IKBKB: variants seen among roughly 807,000 people sequenced by gnomAD.
The protein encoded by IKBKB is inhibitor of nuclear factor kappa-B kinase subunit beta.
Under a neutral mutation model 113.6 loss-of-function variants are expected in IKBKB, and 42 were observed. The ratio of observed to expected loss-of-function variants is 0.37; its 90% CI spans 0.29 to 0.48. IKBKB has a LOEUF of 0.48. Ranked by LOEUF, IKBKB falls within the 20% of genes least tolerant of loss-of-function variation. The pLI, the probability that IKBKB is intolerant of heterozygous loss-of-function variation, is 0.99. For synonymous variants in IKBKB, 296 were observed against 361.3 expected (o/e 0.82, Z 2.05); for missense variants, 673 against 939.7 (o/e 0.72, Z 3.71).
chr8:42,285,915 C>T (rs985360036), intron 2 of IKBKB, among the ~76,000 whole-genome samples: 3 of 152,064 alleles, frequency 2.0e-5, no homozygotes, highest in East Asian at 1.9e-4. Context: ...TAGAGGGGCT[C>T]GGGGAGTAGG....
chr8:42,318,758 G>C, intron 13 of IKBKB, 83 bp downstream of exon 13: 1 of 1,322,586 alleles, frequency 7.6e-7, no homozygotes, highest in Non-Finnish European at 1.0e-6. Context: ...GTTGAGGCAG[G>C]GACCCAGAAG....
rs115698972 is a variant in IKBKB, at chr8:42,319,409, G to A, written c.1504G>A (p.Glu502Lys). The A allele has an allele frequency of 5.8e-4, 943 of 1,614,174 alleles. 4 individuals carry two copies. In the African/African-American group the frequency reaches 0.011, roughly 20 times the overall value. ...IDLEKYSEQTEFGITSDKLLL... is the reference protein window; with the variant it reads ...IDLEKYSEQTKFGITSDKLLL... ...CCTGGAGAAGTACAGCGAGCAAACC[G>A]AGTTTGGGATCAGTGAGTGTGCACT... Residue 502 changes from glutamate to lysine, a missense_variant, in exon 14 of 22, where the codon GAG becomes AAG. Around this residue, in one of 2 missense-constraint regions of IKBKB, gnomAD observed 506 missense variants for 638.7 expected, o/e 0.79. Coordinates refer to ENST00000520810, the MANE Select transcript of IKBKB (RefSeq NM_001556.3).
chr8:42,272,215 C>T lies in IKBKB; in HGVS notation c.105+10C>T. On this transcript the variant is annotated intron_variant, in intron 2 of 21. Coordinates refer to ENST00000520810, the MANE Select transcript of IKBKB (RefSeq NM_001556.3). ...CCGATGGCACAATCAGGTAGGCCCT[C>T]TGTGCAGCTTGGGGAGGGGCGGGGA... The T allele has an allele frequency of 1.2e-6, 2 of 1,614,116 alleles. No individual in the cohort carries two copies. The highest frequency in any genetic ancestry group is 1.7e-6 in the Non-Finnish European group (2 of 1,180,018).
At chr8:42,307,488 G>A (rs949770598) in intron 7 of IKBKB, among the ~76,000 whole-genome samples, 1 of 152,192 alleles carries the variant, frequency 6.6e-6, no homozygotes, top group Admixed American at 6.5e-5. Context: ...GGAAGAGTGG[G>A]TGAGGTAGGG....
chr8:42,303,979 C>T (rs1563333343), intron 5 of IKBKB, among the ~76,000 whole-genome samples: 1 of 152,124 alleles, frequency 6.6e-6, no homozygotes, highest in African/African-American at 2.4e-5. Flanking sequence ...ATGTTATTTG[C>T]ACTGTTCTAT....
intron 5 of IKBKB, among the ~76,000 whole-genome samples, chr8:42,303,085 GAGAGAATGA>G (rs1815655602): frequency 7.0e-6 from 1 of 142,124 alleles, no homozygotes; most frequent in African/African-American, 2.8e-5. Context: ...GAGAGAGAGA[GAGAGAATGA>G]GAGAGAGAGA....
Position 42,332,000 on chromosome 8 carries a change from A to C in IKBKB, c.*1021A>C, listed in dbSNP as rs1756709817. ...ACCTATGGTTAGGGCTTCTGAACTA[A>C]AATAATGGAAAATTTTAACAATTTG... On this transcript the variant is annotated 3_prime_UTR_variant, in exon 22 of 22. Coordinates refer to ENST00000520810, the MANE Select transcript of IKBKB (RefSeq NM_001556.3). 1 of 155,274 alleles carries C rather than the reference A, an allele frequency of 6.4e-6. No homozygotes were observed. The highest frequency in any genetic ancestry group is 2.4e-5 in the African/African-American group (1 of 41,444). The allele number at this position is 155,274 out of a possible 1,614,324, so 9.6% of individuals were successfully genotyped here. A position where few individuals can be genotyped will look rare whatever the true frequency, so the allele number is the denominator to read the frequency against.
At chr8:42,329,034 A>G in intron 20 of IKBKB, 90 bp from the exon 21 acceptor site, 1 of 1,015,040 alleles carries the variant, frequency 9.9e-7, no homozygotes, top group South Asian at 1.5e-5. Flanking sequence ...AAAAAGTATT[A>G]TCAAAACTCT....
At position 42,330,967 on chromosome 8, in the gene IKBKB, G is replaced by A. The variant is rs776402046; in HGVS notation, c.2259G>A (p.Glu753=). Residue 753 remains glutamate (E), a synonymous_variant, in exon 22 of 22, where the codon GAG becomes GAA. Coordinates refer to ENST00000520810, the MANE Select transcript of IKBKB (RefSeq NM_001556.3). ...QTEEEEHSCL[E]QAS ...AAGAAGAAGAGCACAGCTGCCTGGAGCAGGCCTCATGATGTGGGGGGACTC... is the reference window on the plus strand; with the variant it reads ...AAGAAGAAGAGCACAGCTGCCTGGAACAGGCCTCATGATGTGGGGGGACTC... 1.2e-6 allele frequency: 2 copies of A among 1,614,168 alleles called. No individual in the cohort carries two copies. Among genetic ancestry groups the A allele is most frequent in the Admixed American group, 3.3e-5 (2 of 60,032 alleles).
chr8:42,288,851 A>G, intron 3 of IKBKB, 123 bp downstream of exon 3: 1 of 639,490 alleles, frequency 1.6e-6, no homozygotes, highest in Non-Finnish European at 2.7e-6. Flanking sequence ...TGGAAGGCCA[A>G]GGCGGGCAGA....
chr8:42,297,182 C>G (rs1184917241), intron 5 of IKBKB, among the ~76,000 whole-genome samples: 2 of 152,184 alleles, frequency 1.3e-5, no homozygotes, highest in Non-Finnish European at 2.9e-5. Flanking sequence ...CTGATGAGCT[C>G]GTATTTTACT....
At chr8:42,317,166 T>C in intron 11 of IKBKB, 1 of 482,282 alleles carries the variant, frequency 2.1e-6, no homozygotes. Flanking sequence ...GCTATAACAC[T>C]CGAATCTCTC....
chr8:42,321,975 T>C, intron 17 of IKBKB, 30 bp downstream of exon 17: 3 of 1,611,824 alleles, frequency 1.9e-6, no homozygotes, highest in Non-Finnish European at 1.7e-6. Context: ...TGCCTTGGGC[T>C]TCTCCTTATC....
At chr8:42,274,325 C>T (rs995881819) in intron 2 of IKBKB, among the ~76,000 whole-genome samples, 4 of 152,108 alleles carry the variant, frequency 2.6e-5, no homozygotes, top group Non-Finnish European at 4.4e-5. Flanking sequence ...CCACTACGTC[C>T]GGCCTGAAAT....
chr8:42,277,166 G>T (rs1054176093), intron 2 of IKBKB, among the ~76,000 whole-genome samples: 3 of 147,488 alleles, frequency 2.0e-5, no homozygotes, highest in African/African-American at 5.0e-5. Flanking sequence ...ACCGCACCCG[G>T]CCACGTGTGG....
chr8:42,279,639 G>A (rs115233520), intron 2 of IKBKB, among the ~76,000 whole-genome samples: 379 of 152,194 alleles, frequency 2.5e-3, no homozygotes, highest in African/African-American at 8.5e-3. Flanking sequence ...CAGTCTCTGT[G>A]ACTCACCCAC....
rs145075538 is a variant in IKBKB, at chr8:42,307,182, G to A, written c.567+750G>A. On this transcript the variant is annotated intron_variant, in intron 7 of 21. Coordinates refer to ENST00000520810, the MANE Select transcript of IKBKB (RefSeq NM_001556.3). ...CCTGGTCTGGGACTTGAAGGGTAAG[G>A]AGGTGAAAAGGGCTGGAGGTGGGGG... Among the ~76,000 whole-genome samples, 543 of 152,268 alleles carry A rather than the reference G, an allele frequency of 3.6e-3. 6 individuals carry two copies. The highest frequency in any genetic ancestry group is 0.012 in the African/African-American group (503 of 41,542).
rs187223585 is a variant in IKBKB, at chr8:42,272,728, A to C, written c.105+523A>C. On this transcript the variant is annotated intron_variant, in intron 2 of 21. Coordinates refer to ENST00000520810, the MANE Select transcript of IKBKB (RefSeq NM_001556.3). Reference sequence around the variant, plus strand: ...GCTGAGGCAGGCGGATCACGCAGTCAGGAGATGGAGACCATCCTGGCTAAC... The same window carrying C: ...GCTGAGGCAGGCGGATCACGCAGTCCGGAGATGGAGACCATCCTGGCTAAC... Among the ~76,000 whole-genome samples the C allele has an allele frequency of 3.6e-3, 539 of 151,310 alleles. 5 individuals are homozygous for C. Among genetic ancestry groups the C allele is most frequent in the African/African-American group, 0.012 (511 of 41,210 alleles).
At chr8:42,293,270 C>T (rs918246179) in intron 4 of IKBKB, among the ~76,000 whole-genome samples, 173 bp from the exon 5 acceptor site, 1 of 152,226 alleles carries the variant, frequency 6.6e-6, no homozygotes, top group Non-Finnish European at 1.5e-5. Flanking sequence ...CCTCCTCCTC[C>T]TCCTCCGGCC....
Sources: gnomAD v4.1 joint callset for allele counts (sites outside exome capture counted in the v4.1 genomes callset) on GRCh38, gnomAD v4.1.1 for gene constraint, gnomAD v4.1.1 regional missense constraint, MANE v1.5 for transcripts, NCBI Gene and HGNC (gene_info 2026-07-23, HGNC 2026-07-21) for gene names.